Variants in ARMC1 observed in about 807,000 individuals in gnomAD.
ARMC1 encodes the protein armadillo repeat containing 1, also known as armadillo repeat-containing protein 1.
ARMC1 carries 16 observed loss-of-function variants against 31.4 expected under a neutral mutation model. That is an observed-to-expected ratio of 0.51 (90% confidence interval 0.34 to 0.77). The LOEUF is 0.77. ARMC1 is among the 30% of genes least tolerant of loss of function. The probability of loss-of-function intolerance (pLI) is 0.01; values close to 1 mark genes in which losing one functional copy is unlikely to be tolerated. For synonymous variants in ARMC1, 114 were observed against 118.9 expected, an observed-to-expected ratio of 0.96 and a Z score of 0.27; for missense variants, 259 against 347.5, an observed-to-expected ratio of 0.75 and a Z score of 2.02.
intron 3 of ARMC1, among the ~76,000 whole-genome samples, chr8:65,617,405 C>A (rs1429676457): frequency 6.6e-6 from 1 of 152,160 alleles, no homozygotes; most frequent in Non-Finnish European, 1.5e-5. Context: ...CTTTGTTAAA[C>A]AGATGCTTGA....
At position 65,603,158 on chromosome 8, in the gene ARMC1, A is replaced by G. The variant is rs918829172; in HGVS notation, c.*1236T>C. 5.9e-5 allele frequency: 9 copies of G among 152,198 alleles called. No individual in the cohort carries two copies. Among genetic ancestry groups the G allele is most frequent in the African/African-American group, 1.9e-4 (8 of 41,462 alleles). 9.4% of individuals were successfully genotyped at this position (152,198 alleles called of 1,614,324 possible). The stretch of plus-strand genomic sequence containing the variant: ...TCCAAAAAGAAAATTTTAGTTACCA[A>G]ATATTTCAGAAATTTAATAAAGCAT... On this transcript the variant is annotated 3_prime_UTR_variant, in exon 7 of 7. Transcript: ENST00000276569.
intron 1 of ARMC1, among the ~76,000 whole-genome samples, chr8:65,631,250 G>C (rs1038767121): frequency 6.6e-6 from 1 of 152,028 alleles, no homozygotes; most frequent in Non-Finnish European, 1.5e-5. Flanking sequence ...GAATTTTTGG[G>C]GGGGAACAGG....
intron 3 of ARMC1, among the ~76,000 whole-genome samples, chr8:65,618,112 C>T (rs376205170): frequency 7.9e-5 from 12 of 152,154 alleles, no homozygotes; most frequent in South Asian, 4.2e-4. Flanking sequence ...GATGGGGTTT[C>T]GCCATGTTGG....
At chr8:65,630,041 A>G (rs1270132439) in intron 1 of ARMC1, among the ~76,000 whole-genome samples, 1 of 151,712 alleles carries the variant, frequency 6.6e-6, no homozygotes, top group East Asian at 1.9e-4. Context: ...GCTACTTGGG[A>G]GGCTGAGGCC....
intron 1 of ARMC1, among the ~76,000 whole-genome samples, chr8:65,632,417 T>C (rs1808665253): frequency 6.6e-6 from 1 of 152,032 alleles, no homozygotes; most frequent in African/African-American, 2.4e-5. Flanking sequence ...ATTGAGACCA[T>C]CCTGGCTCAC....
intron 1 of ARMC1, chr8:65,633,780 TG>T (rs1413420730): frequency 6.6e-6 from 1 of 152,282 alleles, no homozygotes; most frequent in Non-Finnish European, 1.5e-5. Flanking sequence ...AAAAGTCAGA[TG>T]TGAGGGGGGA....
chr8:65,631,343 T>C (rs1029792230), intron 1 of ARMC1, among the ~76,000 whole-genome samples: 2 of 152,198 alleles, frequency 1.3e-5, no homozygotes, highest in Admixed American at 1.3e-4. Flanking sequence ...CAAGCAATTC[T>C]CCTGCCTCAA....
chr8:65,625,145 T>C (rs1808487525), intron 2 of ARMC1, among the ~76,000 whole-genome samples: 1 of 152,092 alleles, frequency 6.6e-6, no homozygotes, highest in South Asian at 2.1e-4. Context: ...AAAAAAATCT[T>C]TTCTTCAGCC....
chr8:65,625,116 C>G (rs1013114728), intron 2 of ARMC1, among the ~76,000 whole-genome samples: 1 of 152,162 alleles, frequency 6.6e-6, no homozygotes, highest in African/African-American at 2.4e-5. Flanking sequence ...AGCAAAAACT[C>G]TGTCTCAAAA....
rs1808240845 is a variant in ARMC1, at chr8:65,615,906, G to A, written c.276-2473C>T. Among the ~76,000 whole-genome samples, 17 of 151,388 alleles carry A rather than the reference G, an allele frequency of 1.1e-4. No homozygotes were observed. In the South Asian group the frequency reaches 3.5e-3, roughly 32 times the overall value. ...GCAAGACTCCGTCACAAAAAAAAAA[G>A]AAGAAAGAAAAACTGTATTATTGTT... On this transcript the variant is annotated intron_variant, in intron 3 of 6. Coordinates refer to ENST00000276569, the MANE Select transcript of ARMC1 (RefSeq NM_018120.6).
chr8:65,617,783 A>G (rs1039810824), intron 3 of ARMC1, among the ~76,000 whole-genome samples: 1 of 152,034 alleles, frequency 6.6e-6, no homozygotes, highest in African/African-American at 2.4e-5. Context: ...ACATCAAGCA[A>G]TGTACCCATG....
At chr8:65,613,214 G>C (rs747858130) in intron 4 of ARMC1, 30 bp downstream of exon 4, 1 of 1,519,792 alleles carries the variant, frequency 6.6e-7, no homozygotes, top group Non-Finnish European at 8.9e-7. Context: ...CAGTAAACAT[G>C]ATTTCTCTTT....
chr8:65,604,767 A>G (rs922528189), intron 6 of ARMC1, among the ~76,000 whole-genome samples, 182 bp from the exon 7 acceptor site: 1 of 152,198 alleles, frequency 6.6e-6, no homozygotes, highest in Non-Finnish European at 1.5e-5. Context: ...ATCTGCTGAA[A>G]TTCTAGGAGT....
At chr8:65,632,147 T>C (rs1808658828) in intron 1 of ARMC1, among the ~76,000 whole-genome samples, 2 of 152,206 alleles carry the variant, frequency 1.3e-5, no homozygotes, top group South Asian at 4.1e-4. Context: ...GCTCTAAAAC[T>C]CTGTAAGATG....
intron 3 of ARMC1, 36 bp downstream of exon 3, chr8:65,622,227 T>C: frequency 6.7e-7 from 1 of 1,499,044 alleles, no homozygotes; most frequent in Non-Finnish European, 9.3e-7. Flanking sequence ...TATAAGTAAG[T>C]ATATAAATAA....
At chr8:65,617,792 T>C (rs1292422501) in intron 3 of ARMC1, among the ~76,000 whole-genome samples, 2 of 151,362 alleles carry the variant, frequency 1.3e-5, no homozygotes, top group South Asian at 2.1e-4. Context: ...AATGTACCCA[T>C]GTAACAAACC....
intron 3 of ARMC1, among the ~76,000 whole-genome samples, chr8:65,619,642 T>A (rs920979974): frequency 2.7e-5 from 4 of 147,706 alleles, no homozygotes; most frequent in African/African-American, 1.0e-4. Context: ...AGTCCAGGAG[T>A]TCGAAACCAG....
At position 65,612,611 on chromosome 8, in the gene ARMC1, C is replaced by T. The variant is rs562406975; in HGVS notation, c.465+633G>A. Among the ~76,000 whole-genome samples, 11 of 152,170 alleles carry T rather than the reference C, an allele frequency of 7.2e-5. No individual in the cohort carries two copies. The South Asian group carries it at 8.3e-4, about 12-fold the overall frequency. The stretch of plus-strand genomic sequence containing the variant: ...GGGCATGGTGGCTCATCCCTGTAAT[C>T]GAGCACTTTGGGAGGCTGAGGCAGG... On this transcript the variant is annotated intron_variant, in intron 4 of 6. Transcript: ENST00000276569.
intron 2 of ARMC1, among the ~76,000 whole-genome samples, chr8:65,625,345 T>A (rs1038021217): frequency 6.6e-6 from 1 of 152,184 alleles, no homozygotes; most frequent in Non-Finnish European, 1.5e-5. Context: ...CAAATCCAAG[T>A]ACTTGGCTCT....
Sources: gnomAD v4.1 joint callset for allele counts (sites outside exome capture counted in the v4.1 genomes callset) on GRCh38, gnomAD v4.1.1 for gene constraint, MANE v1.5 for transcripts, NCBI Gene and HGNC (gene_info 2026-07-23, HGNC 2026-07-21) for gene names.